The following OVCH1 variants were observed in gnomAD, a reference collection of about 807,000 sequenced individuals.
The protein encoded by OVCH1 is ovochymase 1, also known as ovochymase-1.
A neutral mutation model predicts 138.4 loss-of-function variants in OVCH1; 139 were observed. That is an observed-to-expected ratio of 1.00 (90% CI 0.87 to 1.16). The LOEUF is 1.16. Ranked by LOEUF, OVCH1 falls within the 50% of genes most tolerant of loss-of-function variation. OVCH1 has a pLI of 0.00. For missense variants in OVCH1, 1,367 were observed against 1,357.9 expected (o/e 1.01, Z -0.11); for synonymous variants, 453 against 467.8 (o/e 0.97, Z 0.41).
chr12:29,470,587 A>G (rs1942471551), intron 16 of OVCH1, among the ~76,000 whole-genome samples: 2 of 152,170 alleles, frequency 1.3e-5, no homozygotes, highest in Non-Finnish European at 2.9e-5. Context: ...CATGGTATAT[A>G]TGTGCCACAT....
chr12:29,424,809 A>G (rs193145433), downstream of OVCH1, among the ~76,000 whole-genome samples: 9 of 152,330 alleles, frequency 5.9e-5, no homozygotes, highest in East Asian at 1.5e-3. Context: ...GTAGATAAAA[A>G]CAATATTTTC....
chr12:29,411,070 T>C (rs187549293), downstream of OVCH1, among the ~76,000 whole-genome samples: 6,916 of 133,006 alleles, frequency 0.052, 297 homozygotes, highest in East Asian at 0.13. Context: ...CTTCCATCGC[T>C]GATACCCTTT....
At chr12:29,444,550 T>A (rs896639612) in intron 23 of OVCH1, among the ~76,000 whole-genome samples, 1 of 152,122 alleles carries the variant, frequency 6.6e-6, no homozygotes, top group Admixed American at 6.6e-5. Context: ...ACCTGTTAAC[T>A]GCCTAATTCC....
In OVCH1 at chr12:29,470,270, G is replaced by A. The variant is rs554553617; in HGVS notation, c.1856+1532C>T. Among the ~76,000 whole-genome samples the A allele has an allele frequency of 2.6e-5, 4 of 152,142 alleles. No homozygotes were observed. In the East Asian group the frequency reaches 7.7e-4, roughly 29 times the overall value. ...TGGGATACATGTGCAGAATCTGCAGGTTTGTTATATAGGTATACATCTGCC... is the reference window on the plus strand; with the variant it reads ...TGGGATACATGTGCAGAATCTGCAGATTTGTTATATAGGTATACATCTGCC... On this transcript the variant is annotated intron_variant, in intron 16 of 27. Coordinates refer to ENST00000318184, the Ensembl canonical transcript of OVCH1.
At chr12:29,440,698 T>C (rs760477038) in intron 25 of OVCH1, 12 of 455,598 alleles carry the variant, frequency 2.6e-5, no homozygotes, top group Non-Finnish European at 5.3e-5. Context: ...TTCTTGGTGC[T>C]GAATTGGCTT....
At chr12:29,426,533 G>A (rs571138361), downstream of OVCH1, among the ~76,000 whole-genome samples, 3 of 152,230 alleles carry the variant, frequency 2.0e-5, no homozygotes, top group South Asian at 6.2e-4. Flanking sequence ...ACTCAATCTG[G>A]ATATATCAGA....
chr12:29,464,424 G>A (rs754723748), intron 18 of OVCH1, 83 bp downstream of exon 18: 51 of 1,385,532 alleles, frequency 3.7e-5, no homozygotes, highest in African/African-American at 3.3e-4. Flanking sequence ...GGGCTGAAGC[G>A]GATGCTGCTT....
At chr12:29,495,151 A>G in intron 4 of OVCH1, 134 bp downstream of exon 4, 2 of 926,780 alleles carry the variant, frequency 2.2e-6, no homozygotes, top group Non-Finnish European at 3.2e-6. Context: ...TATAGACCGA[A>G]CAAAATTATT....
At chr12:29,406,368 A>C in the OVCH1 span, among the ~76,000 whole-genome samples, 1 of 151,860 alleles carries the variant, frequency 6.6e-6, no homozygotes, top group Non-Finnish European at 1.5e-5. Context: ...GTGCAGGTTA[A>C]TTACATACGT....
At chr12:29,456,918 G>A (rs1027487655) in intron 19 of OVCH1, among the ~76,000 whole-genome samples, 6 of 152,186 alleles carry the variant, frequency 3.9e-5, no homozygotes, top group Non-Finnish European at 7.4e-5. Flanking sequence ...GTCTTTTGCA[G>A]GAAGTGGATG....
At chr12:29,439,117 A>G (rs1941419894) in intron 26 of OVCH1, among the ~76,000 whole-genome samples, 1 of 152,256 alleles carries the variant, frequency 6.6e-6, no homozygotes, top group Non-Finnish European at 1.5e-5. Flanking sequence ...AAGAATCTAC[A>G]TAACAAATCT....
chr12:29,438,365 C>A (rs568225105), intron 26 of OVCH1, among the ~76,000 whole-genome samples: 40 of 151,988 alleles, frequency 2.6e-4, no homozygotes, highest in Non-Finnish European at 1.0e-4. Context: ...TAGAGCAATT[C>A]TACCTTAACC....
At chr12:29,449,552 T>C (rs2135938815) in intron 22 of OVCH1, among the ~76,000 whole-genome samples, 1 of 152,290 alleles carries the variant, frequency 6.6e-6, no homozygotes, top group South Asian at 2.1e-4. Flanking sequence ...CAGTGGTTTG[T>C]AGTTCTCCTT....
At chr12:29,407,514 T>G (rs1169404075), downstream of OVCH1, among the ~76,000 whole-genome samples, 1 of 149,998 alleles carries the variant, frequency 6.7e-6, no homozygotes, top group Non-Finnish European at 1.5e-5. Context: ...CAGTTTCAGC[T>G]TTCTCCATAT....
intron 4 of OVCH1, among the ~76,000 whole-genome samples, chr12:29,494,437 A>G: frequency 6.6e-6 from 1 of 152,180 alleles, no homozygotes; most frequent in South Asian, 2.1e-4. Context: ...CAGTAATGAC[A>G]GAAAGAAGTC....
At chr12:29,471,233 C>A (rs1045698008) in intron 16 of OVCH1, among the ~76,000 whole-genome samples, 3 of 152,108 alleles carry the variant, frequency 2.0e-5, no homozygotes, top group African/African-American at 7.2e-5. Context: ...TATATTATTT[C>A]ATATAATGGA....
At chr12:29,430,830 G>A (rs1941254780) in intron 27 of OVCH1, 6 of 501,754 alleles carry the variant, frequency 1.2e-5, no homozygotes, top group South Asian at 9.0e-5. Context: ...CTGGCCAGGA[G>A]GCTTCTTGAT....
downstream of OVCH1, among the ~76,000 whole-genome samples, chr12:29,407,956 ATTTG>A (rs1007772957): frequency 6.4e-3 from 939 of 146,636 alleles, 7 homozygotes; most frequent in African/African-American, 0.022. Context: ...ATGTTCTTCC[ATTTG>A]TTTGTATCCT....
chr12:29,439,501 A>AC, intron 25 of OVCH1: 1 of 1,317,038 alleles, frequency 7.6e-7, no homozygotes, highest in Non-Finnish European at 9.8e-7. Flanking sequence ...ACAAAAAACA[A>AC]ACTTCTCTAC....
Sources: allele counts gnomAD v4.1 joint callset (sites outside exome capture counted in the v4.1 genomes callset), GRCh38; gene constraint gnomAD v4.1.1; transcripts MANE v1.5; gene names NCBI Gene and HGNC (gene_info 2026-07-23, HGNC 2026-07-21).